The following FAM13C variants were observed in gnomAD, a reference collection of about 807,000 sequenced individuals.
FAM13C encodes the protein protein FAM13C.
Under a neutral mutation model 73.2 loss-of-function variants are expected in FAM13C, and 37 were observed. That is an observed-to-expected ratio of 0.51 (90% CI 0.39 to 0.67). The LOEUF is 0.67. Ranked by LOEUF, FAM13C falls within the 30% of genes least tolerant of loss-of-function variation. The pLI is 0.00. For missense variants in FAM13C, 589 were observed against 715.6 expected (o/e 0.82, Z 2.02); for synonymous variants, 246 against 260.9 (o/e 0.94, Z 0.55).
intron 4 of FAM13C, among the ~76,000 whole-genome samples, chr10:59,308,390 C>A (rs1848495823): frequency 6.6e-6 from 1 of 151,884 alleles, no homozygotes; most frequent in Non-Finnish European, 1.5e-5. Flanking sequence ...ATTACCACCA[C>A]CATCACCACA....
intron 3 of FAM13C, among the ~76,000 whole-genome samples, chr10:59,341,115 A>G (rs1853448610): frequency 6.6e-6 from 1 of 152,056 alleles, no homozygotes; most frequent in African/African-American, 2.4e-5. Context: ...GGTAGGTCGC[A>G]CCTTTAGTAG....
intron 5 of FAM13C, among the ~76,000 whole-genome samples, chr10:59,284,161 T>A (rs141841550): frequency 3.6e-4 from 55 of 152,226 alleles, no homozygotes; most frequent in African/African-American, 1.3e-3. Context: ...AAGCAATTTA[T>A]CTTTCATAGC....
intron 1 of FAM13C, among the ~76,000 whole-genome samples, chr10:59,359,919 C>T (rs1856188382): frequency 6.6e-6 from 1 of 152,190 alleles, no homozygotes; most frequent in African/African-American, 2.4e-5. Context: ...AGCAAGTTAG[C>T]TGGGGCAATG....
intron 4 of FAM13C, among the ~76,000 whole-genome samples, chr10:59,321,852 G>A (rs2134011688): frequency 6.6e-6 from 1 of 152,186 alleles, no homozygotes; most frequent in South Asian, 2.1e-4. Context: ...GAGTAAGGTG[G>A]CCTCTTGCTA....
intron 4 of FAM13C, among the ~76,000 whole-genome samples, chr10:59,307,378 G>A (rs1474288566): frequency 6.6e-6 from 1 of 152,186 alleles, no homozygotes; most frequent in Admixed American, 6.5e-5. Flanking sequence ...GGATAAATGA[G>A]AGAAAGCACT....
intron 2 of FAM13C, among the ~76,000 whole-genome samples, chr10:59,353,196 C>T (rs950829924): frequency 2.6e-5 from 4 of 152,168 alleles, no homozygotes; most frequent in Admixed American, 2.6e-4. Context: ...TTGTGTTCTT[C>T]GTTCAACAAT....
rs180966213 is a variant in FAM13C at position 59,266,218 on chromosome 10, G to A, written c.943-2052C>T. Among the ~76,000 whole-genome samples, 910 of 152,278 alleles carry A rather than the reference G, an allele frequency of 6.0e-3. 3 individuals carry two copies. The highest frequency in any genetic ancestry group is 0.019 in the Admixed American group (296 of 15,294). ...AATTCTAACATTCCCTGATTCCACT[G>A]AAGGTAGACGTGTGGCTGACGCAGC... On this transcript the variant is annotated intron_variant, in intron 8 of 13. Transcript: ENST00000618804.
intron 3 of FAM13C, among the ~76,000 whole-genome samples, chr10:59,333,108 C>T (rs761009090): frequency 4.9e-4 from 74 of 151,958 alleles, no homozygotes; most frequent in Non-Finnish European, 8.5e-4. Context: ...CCAAAACAGC[C>T]GGGACTACAG....
At chr10:59,361,824 A>G (rs1856454168) in intron 1 of FAM13C, among the ~76,000 whole-genome samples, 1 of 152,150 alleles carries the variant, frequency 6.6e-6, no homozygotes, top group South Asian at 2.1e-4. Context: ...TAGTTGCCCT[A>G]ATCAACAGCT....
intron 4 of FAM13C, among the ~76,000 whole-genome samples, chr10:59,311,948 C>T (rs1848976222): frequency 1.3e-5 from 2 of 152,116 alleles, no homozygotes; most frequent in Admixed American, 1.3e-4. Flanking sequence ...CTATCAGAAT[C>T]CACCTTCAAG....
At chr10:59,251,791 A>G in intron 12 of FAM13C, 115 bp from the exon 13 acceptor site, 3 of 767,802 alleles carry the variant, frequency 3.9e-6, no homozygotes, top group Non-Finnish European at 6.3e-6. Flanking sequence ...TGTTCCCATC[A>G]TAAGAGTATC....
intron 5 of FAM13C, among the ~76,000 whole-genome samples, chr10:59,292,461 T>C (rs1034259322): frequency 2.0e-5 from 3 of 152,282 alleles, no homozygotes; most frequent in African/African-American, 7.2e-5. Context: ...TCTGGCTCAT[T>C]CTGTGTCACA....
In FAM13C at chr10:59,262,365, A is replaced by C; in HGVS notation, c.1236+69T>G. The C allele has an allele frequency of 2.9e-6, 4 of 1,393,572 alleles. 1 individual carries two copies. The South Asian group carries it at 4.9e-5, about 17-fold the overall frequency. 86.3% of individuals were successfully genotyped at this position (1,393,572 alleles called of 1,614,324 possible). On this transcript the variant is annotated intron_variant, in intron 10 of 13. Coordinates refer to ENST00000618804, the MANE Select transcript of FAM13C (RefSeq NM_198215.4). The stretch of plus-strand genomic sequence containing the variant: ...GATGTAATGGCAAAGTGCTCTGACA[A>C]ATTGGATGATCTCATTAGCACTGTG...
intron 3 of FAM13C, among the ~76,000 whole-genome samples, chr10:59,332,026 A>G (rs1295534372): frequency 1.3e-5 from 2 of 152,172 alleles, no homozygotes; most frequent in Non-Finnish European, 2.9e-5. Flanking sequence ...ATATTTGAGA[A>G]TGATCAGGAG....
intron 4 of FAM13C, among the ~76,000 whole-genome samples, chr10:59,321,353 C>T (rs1482535515): frequency 6.6e-6 from 1 of 151,252 alleles, no homozygotes; most frequent in Non-Finnish European, 1.5e-5. Context: ...TGTGGGCAGC[C>T]TCTGGAAACT....
intron 3 of FAM13C, among the ~76,000 whole-genome samples, chr10:59,336,895 T>C (rs1346970449): frequency 6.6e-6 from 1 of 152,158 alleles, no homozygotes; most frequent in Non-Finnish European, 1.5e-5. Flanking sequence ...ACTTCCTGTC[T>C]ATCTTCCATC....
chr10:59,361,039 G>A (rs1263314544), intron 1 of FAM13C: 1 of 1,289,044 alleles, frequency 7.8e-7, no homozygotes, highest in Non-Finnish European at 1.0e-6. Flanking sequence ...TGCACCTGGA[G>A]CAGGAAGTCC....
intron 10 of FAM13C, among the ~76,000 whole-genome samples, chr10:59,254,943 T>C (rs1841807524): frequency 6.6e-6 from 1 of 152,128 alleles, no homozygotes; most frequent in Admixed American, 6.5e-5. Context: ...GTTTTTTTCT[T>C]GGAAGTTTCT....
intron 10 of FAM13C, among the ~76,000 whole-genome samples, chr10:59,255,445 G>A (rs908335044): frequency 6.6e-6 from 1 of 151,978 alleles, no homozygotes; most frequent in African/African-American, 2.4e-5. Context: ...CTATGTATCT[G>A]CCTATTTATC....
Sources: gnomAD v4.1 joint callset for allele counts (sites outside exome capture counted in the v4.1 genomes callset) on GRCh38, gnomAD v4.1.1 for gene constraint, MANE v1.5 for transcripts, NCBI Gene and HGNC (gene_info 2026-07-23, HGNC 2026-07-21) for gene names.